PCDH15: variants seen among roughly 807,000 people sequenced by gnomAD.
PCDH15 encodes the protein protocadherin-15.
Under a neutral mutation model 178.5 loss-of-function variants are expected in PCDH15, and 129 were observed. The observed-to-expected ratio is 0.72, with a 90% CI of 0.63 to 0.84. The LOEUF (loss-of-function observed/expected upper bound fraction) is 0.84, where lower values mean the gene tolerates loss of function less well. Ranked by LOEUF, PCDH15 falls within the 40% of genes least tolerant of loss-of-function variation. PCDH15 has a pLI of 0.00. For synonymous variants in PCDH15, 800 were observed against 732.0 expected (o/e 1.09, Z -1.50); for missense variants, 2,230 against 2,099.9 (o/e 1.06, Z -1.21).
intron 1 of PCDH15, among the ~76,000 whole-genome samples, chr10:54,713,994 G>C (rs10825383): frequency 1.3e-5 from 2 of 151,894 alleles, no homozygotes; most frequent in Non-Finnish European, 2.9e-5. Context: ...CAGAATCAAG[G>C]CTTTGAAGTT....
chr10:54,745,471 T>C (rs907651589), intron 1 of PCDH15, among the ~76,000 whole-genome samples: 3 of 152,140 alleles, frequency 2.0e-5, no homozygotes, highest in African/African-American at 7.2e-5. Context: ...TAATGGTAAA[T>C]TCTCTCTTTA....
intron 26 of PCDH15, among the ~76,000 whole-genome samples, chr10:53,892,091 C>T (rs2081608228): frequency 7.5e-6 from 1 of 134,114 alleles, no homozygotes; most frequent in African/African-American, 2.8e-5. Context: ...GTGGTGGCAT[C>T]TTGGCTCACT....
chr10:55,564,758 C>G (rs917587284), intron 2 of PCDH15, among the ~76,000 whole-genome samples: 3 of 151,294 alleles, frequency 2.0e-5, no homozygotes, highest in Non-Finnish European at 4.4e-5. Context: ...TAAAAGGCTG[C>G]AAGAGTCAAA....
At chr10:55,143,238 G>A (rs1358912203) in intron 2 of PCDH15, among the ~76,000 whole-genome samples, 1 of 151,556 alleles carries the variant, frequency 6.6e-6, no homozygotes, top group Non-Finnish European at 1.5e-5. Context: ...TTCTCTAGTA[G>A]TCCTTTATAG....
chr10:54,480,910 C>G (rs1210056932), intron 3 of PCDH15, among the ~76,000 whole-genome samples: 1 of 151,776 alleles, frequency 6.6e-6, no homozygotes, highest in African/African-American at 2.4e-5. Context: ...AGATATAAGA[C>G]AGTGATTTTC....
chr10:54,013,900 A>T (rs2135197033), intron 20 of PCDH15, among the ~76,000 whole-genome samples: 1 of 152,248 alleles, frequency 6.6e-6, no homozygotes, highest in East Asian at 1.9e-4. Flanking sequence ...AGAAATAACC[A>T]AAATCAGAGC....
chr10:54,613,506 C>CAT (rs765383107), intron 2 of PCDH15, among the ~76,000 whole-genome samples: 8 of 144,428 alleles, frequency 5.5e-5, no homozygotes, highest in Admixed American at 5.5e-4. Context: ...CACACACATA[C>CAT]ACACACACAC....
chr10:54,839,828 G>T (rs1016427360), intron 3 of PCDH15, among the ~76,000 whole-genome samples: 5 of 151,964 alleles, frequency 3.3e-5, no homozygotes, highest in African/African-American at 9.7e-5. Context: ...CTCAGCAGAA[G>T]CCTTGCAGGT....
intron 2 of PCDH15, among the ~76,000 whole-genome samples, chr10:55,040,783 T>C (rs1260681174): frequency 1.3e-5 from 2 of 152,140 alleles, no homozygotes; most frequent in Admixed American, 1.3e-4. Flanking sequence ...ATTTTTCATG[T>C]TCTATAACAC....
chr10:54,186,819 C>T (rs1564631695), intron 11 of PCDH15, among the ~76,000 whole-genome samples: 1 of 151,872 alleles, frequency 6.6e-6, no homozygotes. Context: ...AAAAATCTAA[C>T]ATGTTAGTTT....
At chr10:54,242,421 T>C (rs2055504259) in intron 8 of PCDH15, among the ~76,000 whole-genome samples, 1 of 151,658 alleles carries the variant, frequency 6.6e-6, no homozygotes, top group African/African-American at 2.4e-5. Flanking sequence ...TCATGATCCA[T>C]AGAACAATAA....
chr10:55,475,197 G>A (rs761041359), intron 2 of PCDH15, among the ~76,000 whole-genome samples: 4 of 151,998 alleles, frequency 2.6e-5, no homozygotes, highest in Non-Finnish European at 5.9e-5. Flanking sequence ...CGAAGGAAGG[G>A]CATTAATTTA....
intron 2 of PCDH15, among the ~76,000 whole-genome samples, chr10:55,082,229 C>T (rs1842058982): frequency 6.6e-6 from 1 of 151,838 alleles, no homozygotes; most frequent in Non-Finnish European, 1.5e-5. Flanking sequence ...TCTTCTCTGA[C>T]AACAGTGGAA....
intron 2 of PCDH15, among the ~76,000 whole-genome samples, chr10:54,917,543 T>C (rs1459897705): frequency 6.6e-6 from 1 of 152,192 alleles, no homozygotes; most frequent in East Asian, 1.9e-4. Context: ...ACCATCCCTG[T>C]ACTTTGCACG....
At chr10:55,286,502 T>G (rs1416013628) in intron 1 of PCDH15, among the ~76,000 whole-genome samples, 3 of 136,004 alleles carry the variant, frequency 2.2e-5, no homozygotes, top group Non-Finnish European at 3.1e-5. Context: ...TCTATGAGGG[T>G]TTTTTTTTTT....
intron 2 of PCDH15, among the ~76,000 whole-genome samples, chr10:55,612,132 A>G (rs1843379986): frequency 6.6e-6 from 1 of 152,042 alleles, no homozygotes; most frequent in South Asian, 2.1e-4. Flanking sequence ...ATAGTTAATA[A>G]TAATGTATTA....
At chr10:55,417,259 A>C (rs1589006825) in intron 2 of PCDH15, among the ~76,000 whole-genome samples, 1 of 151,866 alleles carries the variant, frequency 6.6e-6, no homozygotes, top group East Asian at 1.9e-4. Flanking sequence ...CCCCAAAATA[A>C]AAATTCACCA....
chr10:54,052,834 G>A (rs185540226), intron 18 of PCDH15, among the ~76,000 whole-genome samples: 168 of 152,196 alleles, frequency 1.1e-3, no homozygotes, highest in African/African-American at 3.8e-3. Context: ...GGAACCCAGT[G>A]GGAGGTAATT....
chr10:53,835,444 C>T (rs1389223543), intron 29 of PCDH15, among the ~76,000 whole-genome samples: 1 of 152,004 alleles, frequency 6.6e-6, no homozygotes, highest in East Asian at 1.9e-4. Flanking sequence ...GAGAATATGG[C>T]TATTAACAGC....
Sources: allele counts gnomAD v4.1 joint callset (sites outside exome capture counted in the v4.1 genomes callset), GRCh38; gene constraint gnomAD v4.1.1; transcripts MANE v1.5; gene names NCBI Gene and HGNC (gene_info 2026-07-23, HGNC 2026-07-21).